The following OPTC variants were observed in gnomAD, a reference collection of about 807,000 sequenced individuals.
OPTC encodes oculoglycan.
In OPTC, 22 loss-of-function variants were observed where a neutral mutation model predicts 25.4. That is an observed-to-expected ratio of 0.87 (90% CI 0.62 to 1.24). OPTC has a LOEUF of 1.24. OPTC is among the 50% of genes most tolerant of loss of function. The pLI is 0.00. For missense variants in OPTC, 417 were observed against 425.2 expected, an observed-to-expected ratio of 0.98 and a Z score of 0.17; for synonymous variants, 169 against 179.3, an observed-to-expected ratio of 0.94 and a Z score of 0.46.
chr1:203,494,921 C>T (rs1661254080), intron 1 of OPTC, among the ~76,000 whole-genome samples: 1 of 152,188 alleles, frequency 6.6e-6, no homozygotes, highest in East Asian at 1.9e-4. Context: ...CACAAATATA[C>T]ACAGGTATCT....
intron 5 of OPTC, among the ~76,000 whole-genome samples, chr1:203,501,573 C>G (rs1269135235): frequency 6.6e-6 from 1 of 152,210 alleles, no homozygotes; most frequent in Non-Finnish European, 1.5e-5. Context: ...GTAGTAGAAT[C>G]TTTTACGCAA....
chr1:203,499,798 G>T lies in OPTC; in HGVS notation c.679G>T (p.Asp227Tyr). The T allele has an allele frequency of 6.2e-7, 1 of 1,612,682 alleles. No individual in the cohort carries two copies. Among genetic ancestry groups the T allele is most frequent in the Non-Finnish European group, 8.5e-7 (1 of 1,179,878 alleles). Residue 227 changes from aspartate (D) to tyrosine (Y), a missense_variant, in exon 5 of 8, where the codon GAT (aspartate) becomes TAT (tyrosine). Asp to Tyr is a radical substitution (Grantham distance 160). Transcript: ENST00000367222. ...GCTGCCCAGTGGCATTGAGTTCCTG[G>T]ATGTCCGCCTAAATCGGCTCCAGAG... ...PVLPSGIEFLDVRLNRLQSSG... is the reference protein window; with the variant it reads ...PVLPSGIEFLYVRLNRLQSSG...
chr1:203,507,418 TTG>T (rs1187787909), intron 7 of OPTC, among the ~76,000 whole-genome samples: 1 of 152,144 alleles, frequency 6.6e-6, no homozygotes, highest in African/African-American at 2.4e-5. Context: ...CAGTCTAGGT[TTG>T]CATCACATCC....
chr1:203,506,340 A>G (rs941686426), intron 7 of OPTC, among the ~76,000 whole-genome samples: 19 of 151,834 alleles, frequency 1.3e-4, no homozygotes, highest in Non-Finnish European at 1.9e-4. Flanking sequence ...AAGTAGAGAC[A>G]GGGTTTCTCC....
intron 7 of OPTC, among the ~76,000 whole-genome samples, chr1:203,505,673 A>ACT (rs1317363882): frequency 1.3e-5 from 2 of 152,168 alleles, no homozygotes; most frequent in Admixed American, 1.3e-4. Flanking sequence ...TTGGACCAGG[A>ACT]CTCAACACAC....
intron 6 of OPTC, 63 bp from the exon 7 acceptor site, chr1:203,503,487 C>T (rs1661424322): frequency 6.5e-7 from 1 of 1,540,556 alleles, no homozygotes; most frequent in Non-Finnish European, 8.9e-7. Context: ...TGATGTGAGC[C>T]TTTGGTGCTG....
intron 1 of OPTC, among the ~76,000 whole-genome samples, chr1:203,495,005 C>T (rs1661255279): frequency 6.6e-6 from 1 of 152,196 alleles, no homozygotes; most frequent in Admixed American, 6.5e-5. Flanking sequence ...TAATCTGTTT[C>T]TAAAAAGCTG....
intron 3 of OPTC, 105 bp downstream of exon 3, chr1:203,497,220 T>C (rs1661295461): frequency 2.4e-6 from 3 of 1,274,480 alleles, no homozygotes; most frequent in Admixed American, 3.8e-5. Context: ...GGTTGGGGCA[T>C]GGAGGGTCAG....
At chr1:203,501,530 T>C (rs779079298) in intron 5 of OPTC, among the ~76,000 whole-genome samples, 4 of 152,242 alleles carry the variant, frequency 2.6e-5, no homozygotes. Context: ...TGTTCGCCCA[T>C]GTGCTCTCTC....
chr1:203,508,426 C>T (rs1456012590), intron 7 of OPTC, among the ~76,000 whole-genome samples: 1 of 152,180 alleles, frequency 6.6e-6, no homozygotes, highest in Non-Finnish European at 1.5e-5. Flanking sequence ...CTCAAAGACA[C>T]ACGGCCCCCC....
intron 3 of OPTC, among the ~76,000 whole-genome samples, chr1:203,498,325 T>C (rs1324762659): frequency 6.6e-6 from 1 of 152,230 alleles, no homozygotes; most frequent in Non-Finnish European, 1.5e-5. Flanking sequence ...TCCCACTTAA[T>C]TCTGGCTTTA....
At chr1:203,497,255 A>T in intron 3 of OPTC, 140 bp downstream of exon 3, 1 of 840,138 alleles carries the variant, frequency 1.2e-6, no homozygotes, top group Non-Finnish European at 2.0e-6. Flanking sequence ...GCAGGGAGAG[A>T]AGGGGAAATA....
At chr1:203,504,306 AC>A (rs975024388) in intron 7 of OPTC, among the ~76,000 whole-genome samples, 1 of 152,190 alleles carries the variant, frequency 6.6e-6, no homozygotes, top group African/African-American at 2.4e-5. Context: ...ACTATATTTC[AC>A]TATTAATCGT....
At chr1:203,504,219 T>C (rs1297728936) in intron 7 of OPTC, among the ~76,000 whole-genome samples, 1 of 152,218 alleles carries the variant, frequency 6.6e-6, no homozygotes, top group African/African-American at 2.4e-5. Flanking sequence ...AATTAAATTA[T>C]ATAAACTCAC....
At chr1:203,502,165 T>C (rs921340877) in intron 5 of OPTC, among the ~76,000 whole-genome samples, 5 of 152,192 alleles carry the variant, frequency 3.3e-5, no homozygotes, top group African/African-American at 9.7e-5. Context: ...GTAACTATCA[T>C]TTTTATTTGC....
At chr1:203,497,859 TAAGA>T (rs1661305486) in intron 3 of OPTC, among the ~76,000 whole-genome samples, 1 of 152,048 alleles carries the variant, frequency 6.6e-6, no homozygotes, top group African/African-American at 2.4e-5. Flanking sequence ...AGCCTCAGGA[TAAGA>T]AAGATGCTGG....
chr1:203,498,736 CA>C lies in OPTC; in HGVS notation c.427del (p.Ile143LeufsTer3), dbSNP rs757976368. 2 of 1,614,204 alleles carry C rather than the reference CA, an allele frequency of 1.2e-6. No individual in the cohort carries two copies. Among genetic ancestry groups the C allele is most frequent in the Non-Finnish European group, 1.7e-6 (2 of 1,180,036 alleles). ...CLGSSVYCDDIDLEDIPPLPR... is the reference protein window; with the variant it reads ...CLGSSVYCDDXDLEDIPPLPR... ...TCGGTTCCTCTGTGTATTGCGATGA[CA>C]TTGACCTAGAGGACATTCCTCCTCT... On this transcript the variant is annotated frameshift_variant, in exon 4 of 8. Coordinates refer to ENST00000367222, the MANE Select transcript of OPTC (RefSeq NM_014359.4). LOFTEE classifies it high-confidence loss of function.
chr1:203,498,058 T>C (rs139762958), intron 3 of OPTC, among the ~76,000 whole-genome samples: 233 of 152,254 alleles, frequency 1.5e-3, no homozygotes, highest in Admixed American at 3.7e-3. Flanking sequence ...TATGATCCAA[T>C]AAAGTCTCCC....
At chr1:203,505,352 G>A (rs1661463235) in intron 7 of OPTC, among the ~76,000 whole-genome samples, 1 of 152,208 alleles carries the variant, frequency 6.6e-6, no homozygotes, top group South Asian at 2.1e-4. Context: ...ACCCAACTTA[G>A]GGGTCCAGAA....
Sources: allele counts gnomAD v4.1 joint callset (sites outside exome capture counted in the v4.1 genomes callset), GRCh38; gene constraint gnomAD v4.1.1; transcripts MANE v1.5; gene names NCBI Gene and HGNC (gene_info 2026-07-23, HGNC 2026-07-21).